Variants in DAGLB observed in about 807,000 individuals in gnomAD.
DAGLB encodes the protein diacylglycerol lipase beta, also known as diacylglycerol lipase-beta.
DAGLB carries 66 observed loss-of-function variants against 72.1 expected under a neutral mutation model. That is an observed-to-expected ratio of 0.92 (90% confidence interval 0.75 to 1.12). The LOEUF (loss-of-function observed/expected upper bound fraction) is 1.12. Ranked by LOEUF, DAGLB falls within the 50% of genes most tolerant of loss-of-function variation. The probability of loss-of-function intolerance (pLI) is 0.00; values close to 1 mark genes in which losing one functional copy is unlikely to be tolerated. For missense variants in DAGLB, 1,065 were observed against 884.9 expected (o/e 1.20, Z -2.58); for synonymous variants, 414 against 359.5 (o/e 1.15, Z -1.71).
At chr7:6,436,256 T>A in intron 3 of DAGLB, 106 bp downstream of exon 3, 1 of 1,389,752 alleles carries the variant, frequency 7.2e-7, no homozygotes. Context: ...AATTTCTAAC[T>A]ATTTGAGGAA....
chr7:6,437,284 C>T (rs12535659), intron 2 of DAGLB, among the ~76,000 whole-genome samples: 25,158 of 151,952 alleles, frequency 0.17, 2,475 homozygotes, highest in East Asian at 0.23. Flanking sequence ...GCCATGAAAA[C>T]AAGCTCCACG....
chr7:6,430,565 T>G lies in DAGLB; in HGVS notation c.844A>C (p.Met282Leu), dbSNP rs368662898. 2,233 of 1,604,492 alleles carry G rather than the reference T, an allele frequency of 1.4e-3. 45 individuals are homozygous for G. The South Asian group carries it at 0.023, about 17-fold the overall frequency. Residue 282 changes from methionine (M) to leucine (L), a missense_variant, in exon 6 of 15, where the codon ATG (methionine) becomes CTG (leucine). Met to Leu is a conservative substitution (Grantham distance 15, BLOSUM62 2). Coordinates refer to ENST00000297056, the MANE Select transcript of DAGLB (RefSeq NM_139179.4). The stretch of plus-strand genomic sequence containing the variant: ...CCATAGGCCGCTGCTGCAAACTGCA[T>G]GTAATGATGGCAGTTTTCTAATTCT... ...DAELENCHHY[M>L]QFAAAAYGWP...
intron 6 of DAGLB, 26 bp downstream of exon 6, chr7:6,430,454 T>C (rs773052343): frequency 2.1e-6 from 3 of 1,452,090 alleles, no homozygotes; most frequent in South Asian, 1.5e-5. Flanking sequence ...AATATGGCTA[T>C]GGAGGCTCAG....
Position 6,409,131 on chromosome 7 carries a change from T to C in DAGLB, c.*706A>G, listed in dbSNP as rs1783631680. On this transcript the variant is annotated 3_prime_UTR_variant, in exon 15 of 15. Transcript: ENST00000297056. ...CACGCAGCTGTACACACAAGCACTATGGTGACGCGCGCTTTATTGTTTCAA... is the reference window on the plus strand; with the variant it reads ...CACGCAGCTGTACACACAAGCACTACGGTGACGCGCGCTTTATTGTTTCAA... 6.5e-6 allele frequency: 1 copy of C among 153,344 alleles called. No homozygotes were observed. Among genetic ancestry groups the C allele is most frequent in the South Asian group, 2.0e-4 (1 of 4,896 alleles). The allele number at this position is 153,344 out of a possible 1,614,324, so 9.5% of individuals were successfully genotyped here.
chr7:6,409,773 G>T lies in DAGLB; in HGVS notation c.*64C>A, dbSNP rs770074373. The T allele has an allele frequency of 6.4e-7, 1 of 1,553,726 alleles. No individual in the cohort carries two copies. The highest frequency in any genetic ancestry group is 1.9e-5 in the Admixed American group (1 of 52,342). The stretch of plus-strand genomic sequence containing the variant: ...TGGCGTCATGGGAACTCCTCGGATG[G>T]TAAGTCAGTTTAAGGACAAAAGCGT... On this transcript the variant is annotated 3_prime_UTR_variant, in exon 15 of 15. Transcript: ENST00000297056.
At chr7:6,425,871 A>G in intron 7 of DAGLB, 117 bp downstream of exon 7, 6 of 1,514,186 alleles carry the variant, frequency 4.0e-6, no homozygotes, top group Non-Finnish European at 5.3e-6. Flanking sequence ...CACAGGACTT[A>G]GAAGTGTGTT....
At chr7:6,429,244 C>A (rs1298241597) in intron 6 of DAGLB, among the ~76,000 whole-genome samples, 1 of 152,000 alleles carries the variant, frequency 6.6e-6, no homozygotes, top group African/African-American at 2.4e-5. Flanking sequence ...TTGTCATGGA[C>A]CATTCCCGCC....
intron 1 of DAGLB, among the ~76,000 whole-genome samples, chr7:6,446,580 G>C (rs1212932917): frequency 6.8e-6 from 1 of 147,694 alleles, no homozygotes; most frequent in Non-Finnish European, 1.5e-5. Flanking sequence ...TCTTTTTGTA[G>C]AGACAGGGTC....
At chr7:6,415,993 G>C (rs542304382) in intron 11 of DAGLB, among the ~76,000 whole-genome samples, 2 of 152,098 alleles carry the variant, frequency 1.3e-5, no homozygotes, top group East Asian at 3.9e-4. Flanking sequence ...TGCCTACCAG[G>C]CGCATGGATG....
rs1382486483 is a variant in DAGLB, at chr7:6,436,356, T to C, written c.419+6A>G. On this transcript the variant is annotated splice_donor_region_variant and intron_variant, in intron 3 of 14. Transcript: ENST00000297056. ...TGAAACTCAAAGAGAAGAAGGGAGA[T>C]GTCACCTGACCACGACGGTTGCGAT... 1.9e-6 allele frequency: 3 copies of C among 1,601,590 alleles called. No individual in the cohort carries two copies. The highest frequency in any genetic ancestry group is 1.8e-5 in the Admixed American group (1 of 55,704).
intron 9 of DAGLB, chr7:6,417,123 T>C: frequency 3.4e-6 from 2 of 593,376 alleles, no homozygotes; most frequent in South Asian, 2.0e-5. Context: ...GTGCCAGGTG[T>C]GGTGGCGCAC....
In DAGLB at chr7:6,433,093, A is replaced by G. The variant is rs528702140; in HGVS notation, c.679-134T>C. ...TTTCTAGACACAGAGGTATGTTAAA[A>G]AGACTGCTCCTGGCAGGAGTGCTTC... is the stretch of plus-strand genomic sequence containing the variant. On this transcript the variant is annotated intron_variant, in intron 4 of 14. Transcript: ENST00000297056. 2.0e-5 allele frequency: 27 copies of G among 1,342,680 alleles called. No individual in the cohort carries two copies. In the African/African-American group the frequency reaches 3.8e-4, roughly 19 times the overall value. The allele number at this position is 1,342,680 out of a possible 1,614,324, so 83.2% of individuals were successfully genotyped here.
intron 7 of DAGLB, 116 bp downstream of exon 7, chr7:6,425,872 G>A (rs1784295102): frequency 2.0e-6 from 3 of 1,517,762 alleles, no homozygotes; most frequent in Non-Finnish European, 2.7e-6. Flanking sequence ...ACAGGACTTA[G>A]AAGTGTGTTT....
chr7:6,420,920 G>A (rs1784093191), intron 9 of DAGLB, among the ~76,000 whole-genome samples: 1 of 152,234 alleles, frequency 6.6e-6, no homozygotes. Context: ...CGCCCGTGGG[G>A]TGGGCCTGCC....
At chr7:6,420,903 G>A (rs905723351) in intron 9 of DAGLB, among the ~76,000 whole-genome samples, 22 of 152,178 alleles carry the variant, frequency 1.4e-4, no homozygotes, top group East Asian at 5.8e-4. Context: ...TGAATGACCC[G>A]GCAGAGCGCC....
chr7:6,415,689 C>G (rs1416149208), intron 11 of DAGLB, among the ~76,000 whole-genome samples: 1 of 150,996 alleles, frequency 6.6e-6, no homozygotes, highest in African/African-American at 2.4e-5. Flanking sequence ...TAAAAAAATA[C>G]AAAAAATTAG....
intron 2 of DAGLB, among the ~76,000 whole-genome samples, chr7:6,438,170 AG>A (rs1312663741): frequency 6.9e-6 from 1 of 144,782 alleles, no homozygotes; most frequent in African/African-American, 2.5e-5. Flanking sequence ...ACTTGGACAC[AG>A]GGTGGGGAAC....
intron 7 of DAGLB, 84 bp from the exon 8 acceptor site, chr7:6,424,919 A>G: frequency 7.4e-7 from 1 of 1,355,066 alleles, no homozygotes; most frequent in Non-Finnish European, 1.1e-6. Context: ...AGTGTCTGCA[A>G]TGACAGCCCA....
chr7:6,436,563 A>C, intron 2 of DAGLB, 30 bp from the exon 3 acceptor site: 1 of 1,613,268 alleles, frequency 6.2e-7, no homozygotes, highest in Non-Finnish European at 8.5e-7. Context: ...CCGACTGCTC[A>C]GTTGCTTCCT....
Sources: gnomAD v4.1 joint callset for allele counts (sites outside exome capture counted in the v4.1 genomes callset) on GRCh38, gnomAD v4.1.1 for gene constraint, MANE v1.5 for transcripts, NCBI Gene and HGNC (gene_info 2026-07-23, HGNC 2026-07-21) for gene names.